The following WAC variants were observed in gnomAD, a reference collection of about 807,000 sequenced individuals.
The protein encoded by WAC is WW domain containing adaptor with coiled-coil, also known as WW domain-containing adapter protein with coiled-coil.
Under a neutral mutation model 79.6 loss-of-function variants are expected in WAC, and 11 were observed. The ratio of observed to expected loss-of-function variants is 0.14; its 90% CI spans 0.09 to 0.23. WAC has a LOEUF of 0.23. Among genes scored for constraint, WAC ranks in the 10% least tolerant of loss-of-function variants. The probability of loss-of-function intolerance (pLI) is 1.00; values close to 1 mark genes in which losing one functional copy is unlikely to be tolerated. For synonymous variants in WAC, 304 were observed against 276.9 expected, an observed-to-expected ratio of 1.10 and a Z score of -0.97; for missense variants, 728 against 773.5, an observed-to-expected ratio of 0.94 and a Z score of 0.70.
intron 2 of WAC, chr10:28,534,291 C>A: frequency 2.4e-6 from 1 of 416,454 alleles, no homozygotes; most frequent in Non-Finnish European, 4.2e-6. Flanking sequence ...CCAGAAAGAC[C>A]TGACTCGATT....
chr10:28,576,866 C>T (rs1164910119), intron 3 of WAC, among the ~76,000 whole-genome samples: 2 of 152,112 alleles, frequency 1.3e-5, no homozygotes, highest in East Asian at 3.8e-4. Flanking sequence ...TAACCAGATA[C>T]AGCTAAAATA....
At chr10:28,547,915 C>T (rs981749098) in intron 3 of WAC, among the ~76,000 whole-genome samples, 33 of 132,298 alleles carry the variant, frequency 2.5e-4, no homozygotes, top group South Asian at 7.0e-4. Flanking sequence ...TTCTCTTTTT[C>T]TTTTTTTTTT....
intron 3 of WAC, among the ~76,000 whole-genome samples, chr10:28,572,400 T>C (rs910855443): frequency 6.6e-6 from 1 of 151,074 alleles, no homozygotes; most frequent in Non-Finnish European, 1.5e-5. Flanking sequence ...TGCTTTAAAT[T>C]TGGTGGTCAA....
chr10:28,586,492 A>G (rs568821920), intron 4 of WAC, among the ~76,000 whole-genome samples: 1 of 152,242 alleles, frequency 6.6e-6, no homozygotes, highest in East Asian at 1.9e-4. Flanking sequence ...CCTGGGCAAC[A>G]TAGTAAGCGC....
chr10:28,534,968 G>A (rs527237495), intron 2 of WAC, among the ~76,000 whole-genome samples: 3 of 152,238 alleles, frequency 2.0e-5, no homozygotes, highest in African/African-American at 4.8e-5. Flanking sequence ...TATTTTGAGC[G>A]CATTATGCTT....
chr10:28,548,400 C>A (rs1056736081), intron 3 of WAC, among the ~76,000 whole-genome samples: 1 of 152,068 alleles, frequency 6.6e-6, no homozygotes, highest in Non-Finnish European at 1.5e-5. Flanking sequence ...TTCTACTTCT[C>A]TTTTGCCTGG....
chr10:28,605,889 A>G (rs976920255), intron 7 of WAC, among the ~76,000 whole-genome samples: 13 of 152,198 alleles, frequency 8.5e-5, no homozygotes, highest in Non-Finnish European at 1.6e-4. Context: ...AGTTTAATTC[A>G]TGCAGTAAGT....
At chr10:28,533,840 C>T (rs111650596) in intron 1 of WAC, 158 bp from the exon 2 acceptor site, 12,709 of 1,050,016 alleles carry the variant, frequency 0.012, 130 homozygotes, top group South Asian at 0.032. Context: ...CCGGCCCTTC[C>T]GGAGGCTCCG....
chr10:28,592,938 G>A (rs1264223381), intron 6 of WAC, among the ~76,000 whole-genome samples: 4 of 152,068 alleles, frequency 2.6e-5, no homozygotes, highest in East Asian at 3.9e-4. Flanking sequence ...TATTGATTGC[G>A]TAGGTATACC....
intron 3 of WAC, among the ~76,000 whole-genome samples, chr10:28,581,024 A>T (rs1397290904): frequency 6.6e-6 from 1 of 152,120 alleles, no homozygotes; most frequent in African/African-American, 2.4e-5. Context: ...GGATGCACTT[A>T]ATTCCTCCAG....
In WAC at chr10:28,622,425, G is replaced by GCCC. The variant is rs35804351; in HGVS notation, c.*2836_*2838dup. 3 of 3,764 alleles carry GCCC rather than the reference G, an allele frequency of 8.0e-4. No individual in the cohort carries two copies. Among genetic ancestry groups the GCCC allele is most frequent in the African/African-American group, 1.1e-3 (3 of 2,718 alleles). 0.2% of individuals were successfully genotyped at this position (3,764 alleles called of 1,614,324 possible). A position where few individuals can be genotyped will look rare whatever the true frequency, so the allele number is the denominator to read the frequency against. On this transcript the variant is annotated 3_prime_UTR_variant, in exon 14 of 14. Transcript: ENST00000354911. Reference sequence around the variant, plus strand: ...ACTTGAGTGGCCTTTCCCTCCCCCTGCCCCCCCCCCCCCCCCCCCGTTTTA... The same window carrying GCCC: ...ACTTGAGTGGCCTTTCCCTCCCCCTGCCCCCCCCCCCCCCCCCCCCCCGTTTTA...
In WAC at chr10:28,620,072, C is replaced by G. The variant is rs1239619239; in HGVS notation, c.*466C>G. On this transcript the variant is annotated 3_prime_UTR_variant, in exon 14 of 14. Coordinates refer to ENST00000354911, the MANE Select transcript of WAC (RefSeq NM_016628.5). ...TTGTGTCTAAGGATACGATTTTGAACCATATGGGCAGTGTACAAAATATGA... is the reference window on the plus strand; with the variant it reads ...TTGTGTCTAAGGATACGATTTTGAAGCATATGGGCAGTGTACAAAATATGA... 6.5e-6 allele frequency: 1 copy of G among 152,758 alleles called. No homozygotes were observed. The highest frequency in any genetic ancestry group is 1.5e-5 in the Non-Finnish European group (1 of 68,304). 9.5% of individuals were successfully genotyped at this position (152,758 alleles called of 1,614,324 possible).
intron 3 of WAC, among the ~76,000 whole-genome samples, chr10:28,553,024 T>G (rs1837774840): frequency 6.6e-6 from 1 of 152,138 alleles, no homozygotes; most frequent in South Asian, 2.1e-4. Flanking sequence ...CATGGTAACT[T>G]TCCCTGCCCG....
At chr10:28,614,472 C>T (rs117560955) in intron 10 of WAC, 95 bp from the exon 11 acceptor site, 10 of 271,038 alleles carry the variant, frequency 3.7e-5, no homozygotes, top group South Asian at 7.8e-5. Context: ...AACTTGACTG[C>T]CACATTTTAC....
At chr10:28,578,307 A>G (rs554910738) in intron 3 of WAC, among the ~76,000 whole-genome samples, 9 of 152,228 alleles carry the variant, frequency 5.9e-5, no homozygotes, top group African/African-American at 1.7e-4. Context: ...TCTGAAAGCA[A>G]TATGAGATGG....
intron 7 of WAC, among the ~76,000 whole-genome samples, chr10:28,597,780 TC>T (rs1462847242): frequency 6.6e-6 from 1 of 152,188 alleles, no homozygotes; most frequent in Non-Finnish European, 1.5e-5. Flanking sequence ...GCACTGTTCT[TC>T]CTAACTTTGC....
At chr10:28,576,648 G>T (rs974184826) in intron 3 of WAC, among the ~76,000 whole-genome samples, 5 of 152,144 alleles carry the variant, frequency 3.3e-5, no homozygotes, top group African/African-American at 9.7e-5. Flanking sequence ...GCAGATTTTG[G>T]TTCTAGACTC....
chr10:28,534,740 C>G (rs1172080445), intron 2 of WAC, among the ~76,000 whole-genome samples: 1 of 152,234 alleles, frequency 6.6e-6, no homozygotes, highest in Non-Finnish European at 1.5e-5. Context: ...GCAGAAAACA[C>G]TTTCTACATC....
At chr10:28,570,946 CTTTTTTTTTTTTTTTTTTT>C (rs139500035) in intron 3 of WAC, among the ~76,000 whole-genome samples, 3 of 64,506 alleles carry the variant, frequency 4.7e-5, no homozygotes, top group Admixed American at 2.6e-4. Flanking sequence ...TAAAGATATA[CTTTTTTTTTTTTTTTTTTT>C]TTTTTTTTTG....
Sources: gnomAD v4.1 joint callset for allele counts (sites outside exome capture counted in the v4.1 genomes callset) on GRCh38, gnomAD v4.1.1 for gene constraint, MANE v1.5 for transcripts, NCBI Gene and HGNC (gene_info 2026-07-23, HGNC 2026-07-21) for gene names.